Variants in DPP10 observed in about 807,000 individuals in gnomAD.
DPP10 encodes the protein dipeptidyl peptidase like 10.
Under a neutral mutation model 120.9 loss-of-function variants are expected in DPP10, and 33 were observed. That is an observed-to-expected ratio of 0.27 (90% CI 0.21 to 0.37). DPP10 has a LOEUF of 0.37. Among genes scored for constraint, DPP10 ranks in the 10% least tolerant of loss-of-function variants. The pLI, the probability that DPP10 is intolerant of heterozygous loss-of-function variation, is 1.00. For missense variants in DPP10, 816 were observed against 942.8 expected, an observed-to-expected ratio of 0.87 and a Z score of 1.76; for synonymous variants, 337 against 326.1, an observed-to-expected ratio of 1.03 and a Z score of -0.36.
chr2:114,891,781 G>A (rs1376451151), intron 1 of DPP10, among the ~76,000 whole-genome samples: 1 of 152,170 alleles, frequency 6.6e-6, no homozygotes, highest in Non-Finnish European at 1.5e-5. Flanking sequence ...GGCAGTTAAT[G>A]TCCTTTTTCC....
At chr2:115,710,696 T>A (rs2092288766) in intron 7 of DPP10, among the ~76,000 whole-genome samples, 1 of 152,162 alleles carries the variant, frequency 6.6e-6, no homozygotes, top group African/African-American at 2.4e-5. Context: ...AACTTTTTTC[T>A]AGAACATTAT....
chr2:114,894,604 G>A (rs1692815369), intron 1 of DPP10, among the ~76,000 whole-genome samples: 1 of 152,100 alleles, frequency 6.6e-6, no homozygotes, highest in Admixed American at 6.6e-5. Flanking sequence ...AGCAGAAAAG[G>A]AGCTGTAATA....
intron 3 of DPP10, among the ~76,000 whole-genome samples, chr2:115,356,946 G>A (rs185465739): frequency 1.3e-5 from 2 of 152,240 alleles, no homozygotes; most frequent in Non-Finnish European, 1.5e-5. Flanking sequence ...TCTCCTAACT[G>A]CTTTCTATAG....
intron 3 of DPP10, among the ~76,000 whole-genome samples, chr2:115,402,854 A>AAAAAAATATAT (rs1476901026): frequency 9.2e-5 from 9 of 97,636 alleles, no homozygotes; most frequent in Admixed American, 1.3e-4. Context: ...AAAAAAAAAA[A>AAAAAAATATAT]ATATATATAT....
At chr2:114,500,434 G>A (rs1380983870) in intron 1 of DPP10, among the ~76,000 whole-genome samples, 1 of 152,100 alleles carries the variant, frequency 6.6e-6, no homozygotes, top group Non-Finnish European at 1.5e-5. Context: ...AATTATATTA[G>A]GGTTAAGTAT....
At chr2:115,804,228 A>C (rs1008700781) in intron 19 of DPP10, among the ~76,000 whole-genome samples, 25 of 152,114 alleles carry the variant, frequency 1.6e-4, no homozygotes, top group African/African-American at 5.8e-4. Context: ...CGCATCGGTT[A>C]CTGAGGCTTG....
intron 5 of DPP10, among the ~76,000 whole-genome samples, chr2:115,671,051 G>C (rs947970808): frequency 6.6e-6 from 1 of 151,886 alleles, no homozygotes; most frequent in Non-Finnish European, 1.5e-5. Flanking sequence ...GATATTCAGG[G>C]CATGTCTAAA....
At position 115,383,064 on chromosome 2, in the gene DPP10, C is replaced by T. The variant is rs187403997; in HGVS notation, c.271+39152C>T. 3.4e-3 allele frequency among the ~76,000 whole-genome samples: 516 copies of T among 152,284 alleles called. 2 individuals carry two copies. The highest frequency in any genetic ancestry group is 4.4e-3 in the Non-Finnish European group (301 of 68,032). ...GTTCCAGAAAAGAATCTAGAAGGAA[C>T]ACTATCAAAGATAATGGGTTACAGT... On this transcript the variant is annotated intron_variant, in intron 3 of 25. Coordinates refer to ENST00000410059, the MANE Select transcript of DPP10 (RefSeq NM_020868.6).
chr2:115,149,999 T>C (rs2104891437), intron 1 of DPP10, among the ~76,000 whole-genome samples: 1 of 152,236 alleles, frequency 6.6e-6, no homozygotes, highest in East Asian at 1.9e-4. Flanking sequence ...TGTGAGGGAA[T>C]AAAAGAGTGA....
intron 1 of DPP10, among the ~76,000 whole-genome samples, chr2:114,824,146 G>T (rs1448771604): frequency 1.3e-5 from 2 of 152,168 alleles, no homozygotes; most frequent in Non-Finnish European, 2.9e-5. Context: ...ATGAAGAGGG[G>T]AATAAATGGT....
chr2:115,264,240 A>G (rs982246546), intron 1 of DPP10, among the ~76,000 whole-genome samples: 2 of 152,242 alleles, frequency 1.3e-5, no homozygotes, highest in African/African-American at 4.8e-5. Flanking sequence ...ATGCTGTACA[A>G]TAAATGATGC....
chr2:114,665,056 A>AG (rs1164310821), intron 1 of DPP10, among the ~76,000 whole-genome samples: 3 of 152,234 alleles, frequency 2.0e-5, no homozygotes, highest in Non-Finnish European at 4.4e-5. Context: ...GGGGTTGCTG[A>AG]GGGGACTCTG....
At chr2:114,772,497 T>C (rs1177583534) in intron 1 of DPP10, among the ~76,000 whole-genome samples, 1 of 152,076 alleles carries the variant, frequency 6.6e-6, no homozygotes, top group African/African-American at 2.4e-5. Context: ...ACAGAACATA[T>C]TTGACTTAGG....
At chr2:115,115,819 T>C (rs1301531999) in intron 1 of DPP10, among the ~76,000 whole-genome samples, 1 of 152,214 alleles carries the variant, frequency 6.6e-6, no homozygotes, top group Non-Finnish European at 1.5e-5. Context: ...AAGCTGCAGA[T>C]AATTATTCAT....
At chr2:114,828,538 T>G (rs2106385374) in intron 1 of DPP10, 1 of 152,270 alleles carries the variant, frequency 6.6e-6, no homozygotes, top group East Asian at 1.9e-4. Flanking sequence ...TAGATGGAGG[T>G]AACTTAAACT....
intron 1 of DPP10, among the ~76,000 whole-genome samples, chr2:115,102,189 T>C (rs2048721338): frequency 6.6e-6 from 1 of 152,172 alleles, no homozygotes; most frequent in Non-Finnish European, 1.5e-5. Flanking sequence ...TCTCACTGTG[T>C]CCTCACAGGG....
chr2:114,509,714 C>T (rs1210505916), intron 1 of DPP10, among the ~76,000 whole-genome samples: 1 of 152,112 alleles, frequency 6.6e-6, no homozygotes, highest in East Asian at 1.9e-4. Context: ...AGATTATTTG[C>T]TGTTAATAAG....
chr2:114,489,647 C>T (rs1282718664), intron 1 of DPP10, among the ~76,000 whole-genome samples: 2 of 152,122 alleles, frequency 1.3e-5, no homozygotes, highest in African/African-American at 4.8e-5. Flanking sequence ...AGAGAATTGT[C>T]TTTTTTTCCC....
At chr2:115,147,961 G>A (rs1230533483) in intron 1 of DPP10, among the ~76,000 whole-genome samples, 1 of 152,114 alleles carries the variant, frequency 6.6e-6, no homozygotes, top group African/African-American at 2.4e-5. Flanking sequence ...GGCAATTTGA[G>A]GAGAGATGGT....
Sources: allele counts gnomAD v4.1 joint callset (sites outside exome capture counted in the v4.1 genomes callset), GRCh38; gene constraint gnomAD v4.1.1; transcripts MANE v1.5; gene names NCBI Gene and HGNC (gene_info 2026-07-23, HGNC 2026-07-21).